The following RBFOX3 variants were observed in gnomAD, a reference collection of about 807,000 sequenced individuals.
RBFOX3 encodes RNA binding fox-1 homolog 3.
In RBFOX3, 17 loss-of-function variants were observed where a neutral mutation model predicts 48.7. That is an observed-to-expected ratio of 0.35 (90% confidence interval 0.24 to 0.52). The LOEUF is 0.52. Ranked by LOEUF, RBFOX3 falls within the 20% of genes least tolerant of loss-of-function variation. The pLI is 0.94. For synonymous variants in RBFOX3, 212 were observed against 209.5 expected (o/e 1.01, Z -0.10); for missense variants, 382 against 497.5 (o/e 0.77, Z 2.21).
chr17:79,510,189 A>G (rs1284123982), intron 1 of RBFOX3, among the ~76,000 whole-genome samples: 1 of 152,126 alleles, frequency 6.6e-6, no homozygotes, highest in Non-Finnish European at 1.5e-5. Context: ...TGGTGTCGAC[A>G]GAGGTGCCAC....
rs552538991 is a variant in RBFOX3 at position 79,340,125 on chromosome 17, C to T, written c.-174-32301G>A. Among the ~76,000 whole-genome samples, 315 of 152,150 alleles carry T rather than the reference C, an allele frequency of 2.1e-3. 2 individuals are homozygous for T. Among genetic ancestry groups the T allele is most frequent in the African/African-American group, 7.2e-3 (300 of 41,494 alleles). ...ACCAGCCTGACGAACATGGTGAAAC[C>T]CTGTCCCTACTAAAAATACAAAAAT... On this transcript the variant is annotated intron_variant, in intron 2 of 14. Coordinates refer to ENST00000693108, the MANE Select transcript of RBFOX3 (RefSeq NM_001350451.2).
At chr17:79,279,830 A>T (rs2144299137) in intron 3 of RBFOX3, among the ~76,000 whole-genome samples, 1 of 152,244 alleles carries the variant, frequency 6.6e-6, no homozygotes, top group Middle Eastern at 3.4e-3. Context: ...AGTGTTTGTC[A>T]CTGAGAGGTT....
intron 2 of RBFOX3, among the ~76,000 whole-genome samples, chr17:79,400,694 G>A (rs1490551063): frequency 6.6e-6 from 1 of 152,208 alleles, no homozygotes; most frequent in East Asian, 1.9e-4. Context: ...CTGTAAGCGG[G>A]GTGTCCCAAA....
rs927160911 is a variant in RBFOX3 at position 79,557,532 on chromosome 17, G to C, written c.-320+53294C>G. On this transcript the variant is annotated intron_variant, in intron 1 of 14. Transcript: ENST00000693108. ...GGGGCCGTGGGAGCCCGGCGGTGGT[G>C]GGGGGAAAGGGGGGAAGAGTGGCAA... 4.8e-3 allele frequency among the ~76,000 whole-genome samples: 733 copies of C among 152,306 alleles called. 4 individuals are homozygous for C. Among genetic ancestry groups the C allele is most frequent in the African/African-American group, 0.017 (692 of 41,568 alleles).
chr17:79,337,524 C>G (rs960893530), intron 2 of RBFOX3, among the ~76,000 whole-genome samples: 6 of 152,214 alleles, frequency 3.9e-5, no homozygotes, highest in Admixed American at 1.3e-4. Context: ...GCCTGTAATC[C>G]CAACACTTTG....
intron 2 of RBFOX3, among the ~76,000 whole-genome samples, chr17:79,451,721 C>G (rs1555741764): frequency 6.6e-6 from 1 of 152,240 alleles, no homozygotes; most frequent in African/African-American, 2.4e-5. Context: ...CCTGGGCAAA[C>G]CACTGGGTCC....
chr17:79,223,649 G>A (rs754848677), intron 4 of RBFOX3, among the ~76,000 whole-genome samples: 4 of 152,172 alleles, frequency 2.6e-5, no homozygotes, highest in Non-Finnish European at 4.4e-5. Context: ...GCATCCTCTG[G>A]TCAGAACGCC....
intron 2 of RBFOX3, among the ~76,000 whole-genome samples, chr17:79,462,428 T>C (rs1194883329): frequency 3.3e-5 from 5 of 152,330 alleles, no homozygotes; most frequent in East Asian, 1.9e-4. Flanking sequence ...TAGGAAGGCA[T>C]AGACGGTGTC....
chr17:79,292,654 G>A (rs1461529831), intron 3 of RBFOX3, among the ~76,000 whole-genome samples: 1 of 152,094 alleles, frequency 6.6e-6, no homozygotes, highest in East Asian at 1.9e-4. Flanking sequence ...AGAAGTGTTT[G>A]ATGCTGCGAA....
In RBFOX3 at chr17:79,204,154, A is replaced by G. The variant is rs1171243600; in HGVS notation, c.-34+31612T>C. Among the ~76,000 whole-genome samples the G allele has an allele frequency of 6.6e-6, 1 of 152,142 alleles. No homozygotes were observed. Among genetic ancestry groups the G allele is most frequent in the Non-Finnish European group, 1.5e-5 (1 of 68,016 alleles). Reference sequence around the variant, plus strand: ...AGCTGCCCCTACTTCCCCTACTGCCATGACAGCAATAGCTAGAGTTGGGGT... The same window carrying G: ...AGCTGCCCCTACTTCCCCTACTGCCGTGACAGCAATAGCTAGAGTTGGGGT... On this transcript the variant is annotated intron_variant, in intron 4 of 14. Coordinates refer to ENST00000693108, the MANE Select transcript of RBFOX3 (RefSeq NM_001350451.2). The surrounding 1 kb of genome is among the most constrained non-coding windows in gnomAD (Gnocchi z 4.5).
At chr17:79,635,056 T>A in the RBFOX3 span, among the ~76,000 whole-genome samples, 1 of 67,518 alleles carries the variant, frequency 1.5e-5, no homozygotes, top group African/African-American at 6.3e-5. Flanking sequence ...CGAGACTCCA[T>A]CTCAAAAAAA....
At chr17:79,542,674 C>T (rs1469548703) in intron 1 of RBFOX3, among the ~76,000 whole-genome samples, 1 of 152,182 alleles carries the variant, frequency 6.6e-6, no homozygotes, top group Non-Finnish European at 1.5e-5. Context: ...ATTCCAGCTA[C>T]TCGGAGGCTG....
intron 4 of RBFOX3, among the ~76,000 whole-genome samples, chr17:79,169,013 C>T (rs1265884542): frequency 1.3e-5 from 2 of 152,218 alleles, no homozygotes; most frequent in African/African-American, 2.4e-5. Context: ...CAAACACGCA[C>T]ACTGGCTCTC....
At chr17:79,211,122 A>G (rs886542117) in intron 4 of RBFOX3, among the ~76,000 whole-genome samples, 11 of 152,152 alleles carry the variant, frequency 7.2e-5, no homozygotes, top group Admixed American at 6.5e-4. Flanking sequence ...GGAGGTTCCA[A>G]CACCTTCTCC....
At chr17:79,290,092 C>T (rs2072933820) in intron 3 of RBFOX3, among the ~76,000 whole-genome samples, 2 of 151,946 alleles carry the variant, frequency 1.3e-5, no homozygotes, top group South Asian at 4.2e-4. Flanking sequence ...ACTGGAAGCT[C>T]CTTGGAGGGC....
At chr17:79,101,917 C>A (rs2076516660) in intron 8 of RBFOX3, among the ~76,000 whole-genome samples, 1 of 152,226 alleles carries the variant, frequency 6.6e-6, no homozygotes, top group Non-Finnish European at 1.5e-5. Flanking sequence ...CTCCCAGGCA[C>A]CCCAGGACAG....
At chr17:79,282,871 A>C (rs7209618) in intron 3 of RBFOX3, among the ~76,000 whole-genome samples, 67,587 of 152,156 alleles carry the variant, frequency 0.44, 15,741 homozygotes, top group South Asian at 0.55. Context: ...CCACAAAACA[A>C]GACTGACCCT....
Position 79,477,473 on chromosome 17 carries a change from G to A in RBFOX3, c.-175+4981C>T, listed in dbSNP as rs373958779. Among the ~76,000 whole-genome samples the A allele has an allele frequency of 0.011, 1,713 of 150,602 alleles. 27 individuals carry two copies. Among genetic ancestry groups the A allele is most frequent in the African/African-American group, 0.037 (1,497 of 40,968 alleles). On this transcript the variant is annotated intron_variant, in intron 2 of 14. Coordinates refer to ENST00000693108, the MANE Select transcript of RBFOX3 (RefSeq NM_001350451.2). The surrounding 1 kb of genome is among the most constrained non-coding windows in gnomAD (Gnocchi z 4.8). ...TGGGAGGCTGAGGCAGGAGAATGGC[G>A]TGAACCCGGGAGGCGGAGTTTGCAG... is the stretch of plus-strand genomic sequence containing the variant.
chr17:79,518,592 C>T (rs2085596602), intron 1 of RBFOX3, among the ~76,000 whole-genome samples: 1 of 152,206 alleles, frequency 6.6e-6, no homozygotes, highest in Non-Finnish European at 1.5e-5. Flanking sequence ...TGTGGGGAAG[C>T]CTACTGGATT....
Sources: gnomAD v4.1 joint callset for allele counts (sites outside exome capture counted in the v4.1 genomes callset) on GRCh38, gnomAD v4.1.1 for gene constraint, Gnocchi (gnomAD v3.1) non-coding constraint, MANE v1.5 for transcripts, NCBI Gene and HGNC (gene_info 2026-07-23, HGNC 2026-07-21) for gene names.